Variants in ISM1 observed in about 807,000 individuals in gnomAD.
ISM1 encodes the protein isthmin-1.
Under a neutral mutation model 46.3 loss-of-function variants are expected in ISM1, and 25 were observed. The ratio of observed to expected loss-of-function variants is 0.54; its 90% CI spans 0.39 to 0.75. The LOEUF (loss-of-function observed/expected upper bound fraction) is 0.75. Among genes scored for constraint, ISM1 ranks in the 30% least tolerant of loss-of-function variants. The pLI, the probability that ISM1 is intolerant of heterozygous loss-of-function variation, is 0.00. For missense variants in ISM1, 536 were observed against 625.4 expected (o/e 0.86, Z 1.52); for synonymous variants, 255 against 256.7 (o/e 0.99, Z 0.06).
chr20:13,291,447 G>A (rs775441666), intron 4 of ISM1, among the ~76,000 whole-genome samples: 123 of 152,164 alleles, frequency 8.1e-4, no homozygotes, highest in Non-Finnish European at 2.2e-4. Context: ...TAAGTTTGAG[G>A]TGCCTCACAT....
intron 1 of ISM1, among the ~76,000 whole-genome samples, chr20:13,259,227 G>A (rs1400870524): frequency 6.6e-6 from 1 of 151,170 alleles, no homozygotes; most frequent in African/African-American, 2.4e-5. Flanking sequence ...GTTGCAGTGA[G>A]CCGAGATCGT....
chr20:13,221,963 T>C, intron 1 of ISM1, 49 bp downstream of exon 1: 2 of 1,300,722 alleles, frequency 1.5e-6, no homozygotes, highest in South Asian at 2.2e-5. Flanking sequence ...GGACGGTTTG[T>C]GGGGCGGGGG....
chr20:13,289,854 A>AAGAAACCAC (rs1327047113), intron 4 of ISM1, among the ~76,000 whole-genome samples: 2 of 152,232 alleles, frequency 1.3e-5, no homozygotes, highest in Non-Finnish European at 2.9e-5. Flanking sequence ...AGAGCCTTTC[A>AAGAAACCAC]AGAAACCACA....
intron 2 of ISM1, among the ~76,000 whole-genome samples, chr20:13,276,303 T>G (rs2040178523): frequency 6.6e-6 from 1 of 152,202 alleles, no homozygotes; most frequent in Admixed American, 6.5e-5. Context: ...GGCGTTGGTT[T>G]ATTATCACCT....
intron 2 of ISM1, among the ~76,000 whole-genome samples, chr20:13,276,295 C>T (rs939822403): frequency 5.3e-5 from 8 of 152,066 alleles, no homozygotes; most frequent in Admixed American, 2.0e-4. Context: ...TTCTCAGTGG[C>T]GTTGGTTTAT....
Position 13,227,614 on chromosome 20 carries a change from T to C in ISM1, c.138+5700T>C, listed in dbSNP as rs551707789. ...AACTCTGCCTCCTGGCTTCACGCCA[T>C]TCTCCTGCTTCAGCCTCCCGGGTAG... On this transcript the variant is annotated intron_variant, in intron 1 of 5. Transcript: ENST00000262487. Among the ~76,000 whole-genome samples, 507 of 151,704 alleles carry C rather than the reference T, an allele frequency of 3.3e-3. 8 individuals are homozygous for C. Among genetic ancestry groups the C allele is most frequent in the African/African-American group, 0.012 (482 of 41,332 alleles).
At chr20:13,318,090 GA>G in the ISM1 span, among the ~76,000 whole-genome samples, 1 of 148,932 alleles carries the variant, frequency 6.7e-6, no homozygotes, top group African/African-American at 2.5e-5. Context: ...TCAACAATAA[GA>G]ACACAAACAA....
At chr20:13,293,840 G>T (rs1251711213) in intron 5 of ISM1, among the ~76,000 whole-genome samples, 1 of 152,040 alleles carries the variant, frequency 6.6e-6, no homozygotes, top group Non-Finnish European at 1.5e-5. Flanking sequence ...TGGGCTTGGT[G>T]GCAGGCGCCT....
the ISM1 span, among the ~76,000 whole-genome samples, chr20:13,310,630 G>GA: frequency 2.0e-5 from 3 of 152,138 alleles, no homozygotes; most frequent in East Asian, 5.8e-4. Context: ...AGAGTAAAGA[G>GA]AAAAATTATG....
Position 13,247,345 on chromosome 20 carries a change from T to C in ISM1, c.139-23159T>C, listed in dbSNP as rs531828363. The stretch of plus-strand genomic sequence containing the variant: ...ACCAAAAACACAGCATCAGGAAATG[T>C]TGTGTCTTTAAGTGTCAGCGTGTCC... On this transcript the variant is annotated intron_variant, in intron 1 of 5. Coordinates refer to ENST00000262487, the MANE Select transcript of ISM1 (RefSeq NM_080826.2). 6.5e-4 allele frequency among the ~76,000 whole-genome samples: 99 copies of C among 152,324 alleles called. 1 individual carries two copies. Among genetic ancestry groups the C allele is most frequent in the African/African-American group, 2.3e-3 (97 of 41,568 alleles).
At chr20:13,230,766 G>GA (rs200077061) in intron 1 of ISM1, among the ~76,000 whole-genome samples, 158 of 149,150 alleles carry the variant, frequency 1.1e-3, no homozygotes, top group Non-Finnish European at 1.6e-3. Context: ...GAAAAGAAAA[G>GA]AAAAAAAAAC....
intron 1 of ISM1, among the ~76,000 whole-genome samples, chr20:13,250,253 T>G (rs1451385507): frequency 6.6e-6 from 1 of 152,198 alleles, no homozygotes; most frequent in African/African-American, 2.4e-5. Flanking sequence ...CACTGGGTAC[T>G]GTGTCCAATT....
chr20:13,299,313 A>G lies in ISM1; in HGVS notation c.1249A>G (p.Lys417Glu). 6.2e-7 allele frequency: 1 copy of G among 1,613,850 alleles called. No individual in the cohort carries two copies. Residue 417 changes from lysine to glutamate, a missense_variant, in exon 6 of 6, where the codon AAG becomes GAG. Physicochemically the swap from Lys to Glu is moderately conservative, Grantham distance 56 (BLOSUM62 1). This residue lies in a region of ISM1 where 169 missense variants were observed against 249.3 expected (regional missense o/e 0.68). Transcript: ENST00000262487. The surrounding 1 kb of genome is among the most constrained non-coding windows in gnomAD (Gnocchi z 5.8). Reference protein sequence around the residue: ...STEFSAELHYKVDVLPWIICK... With the variant: ...STEFSAELHYEVDVLPWIICK... ...CGAGTTCTCCGCGGAGCTCCACTAC[A>G]AGGTGGACGTCCTGCCCTGGATTAT... is the stretch of plus-strand genomic sequence containing the variant.
At chr20:13,320,440 A>G in the ISM1 span, among the ~76,000 whole-genome samples, 2 of 152,206 alleles carry the variant, frequency 1.3e-5, no homozygotes, top group African/African-American at 4.8e-5. Flanking sequence ...GCTGAAAACA[A>G]GAGAACCGAA....
At chr20:13,246,042 C>A (rs2039788624) in intron 1 of ISM1, among the ~76,000 whole-genome samples, 1 of 152,124 alleles carries the variant, frequency 6.6e-6, no homozygotes, top group South Asian at 2.1e-4. Context: ...CTGAGGTGGG[C>A]AGATCACTTG....
intron 1 of ISM1, among the ~76,000 whole-genome samples, chr20:13,224,717 A>G (rs2039493976): frequency 6.6e-6 from 1 of 152,190 alleles, no homozygotes; most frequent in Admixed American, 6.5e-5. Context: ...TTCTTATTTA[A>G]GGATATATCA....
intron 1 of ISM1, among the ~76,000 whole-genome samples, chr20:13,222,368 C>A (rs955434376): frequency 3.3e-5 from 5 of 152,012 alleles, no homozygotes; most frequent in Non-Finnish European, 5.9e-5. Flanking sequence ...GGAGTCTACC[C>A]CTTTAGGAAG....
chr20:13,292,766 T>C (rs1200744543), intron 5 of ISM1, among the ~76,000 whole-genome samples: 3 of 152,152 alleles, frequency 2.0e-5, no homozygotes, highest in Non-Finnish European at 4.4e-5. Flanking sequence ...TCAAGTCACA[T>C]GGAATCTGTT....
chr20:13,257,102 C>T (rs920581559), intron 1 of ISM1, among the ~76,000 whole-genome samples: 4 of 152,128 alleles, frequency 2.6e-5, no homozygotes, highest in South Asian at 2.1e-4. Flanking sequence ...TGAGAAAGCT[C>T]GAGCCACAGG....
Sources: allele counts gnomAD v4.1 joint callset (sites outside exome capture counted in the v4.1 genomes callset), GRCh38; gene constraint gnomAD v4.1.1; regional missense constraint gnomAD v4.1.1; non-coding constraint Gnocchi (gnomAD v3.1); transcripts MANE v1.5; gene names NCBI Gene and HGNC (gene_info 2026-07-23, HGNC 2026-07-21).